The following VRK2 variants were observed in gnomAD, a reference collection of about 807,000 sequenced individuals.
VRK2 encodes serine/threonine-protein kinase VRK2.
Under a neutral mutation model 57.6 loss-of-function variants are expected in VRK2, and 60 were observed. The ratio of observed to expected loss-of-function variants is 1.04; its 90% CI spans 0.85 to 1.29. The LOEUF is 1.29. VRK2 is among the 50% of genes most tolerant of loss of function. The pLI, the probability that VRK2 is intolerant of heterozygous loss-of-function variation, is 0.00. For missense variants in VRK2, 705 were observed against 588.1 expected, an observed-to-expected ratio of 1.20 and a Z score of -2.06; for synonymous variants, 231 against 199.2, an observed-to-expected ratio of 1.16 and a Z score of -1.35.
At chr2:57,964,581 T>C (rs1297759305) in intron 1 of VRK2, among the ~76,000 whole-genome samples, 1 of 152,112 alleles carries the variant, frequency 6.6e-6, no homozygotes, top group Non-Finnish European at 1.5e-5. Flanking sequence ...TGTATGTTCA[T>C]ACTCGTTAAC....
chr2:58,037,142 C>A (rs1353862869), intron 3 of VRK2, among the ~76,000 whole-genome samples: 1 of 151,866 alleles, frequency 6.6e-6, no homozygotes, highest in Non-Finnish European at 1.5e-5. Context: ...CATCATGTTG[C>A]CCAGGCTGAT....
chr2:58,017,478 G>A (rs985656512), intron 1 of VRK2, among the ~76,000 whole-genome samples: 2 of 152,112 alleles, frequency 1.3e-5, no homozygotes, highest in African/African-American at 4.8e-5. Context: ...TCCCATCCGC[G>A]CAGATTTTGT....
chr2:57,934,773 C>CT, intron 1 of VRK2, among the ~76,000 whole-genome samples: 1 of 151,442 alleles, frequency 6.6e-6, no homozygotes, highest in Middle Eastern at 3.4e-3. Flanking sequence ...TCTTTTTTTT[C>CT]TTTTTTCTCC....
chr2:57,944,441 A>T (rs1671193665), intron 1 of VRK2, among the ~76,000 whole-genome samples: 1 of 152,236 alleles, frequency 6.6e-6, no homozygotes, highest in Admixed American at 6.5e-5. Flanking sequence ...ATAATTTTTT[A>T]AAAGGAAAAA....
intron 1 of VRK2, among the ~76,000 whole-genome samples, chr2:58,022,196 T>C (rs1221017298): frequency 6.6e-6 from 1 of 152,206 alleles, no homozygotes; most frequent in Non-Finnish European, 1.5e-5. Flanking sequence ...GCCTTTAGAA[T>C]GGGTGTCACT....
At chr2:58,146,182 T>C in intron 11 of VRK2, 134 bp from the exon 12 acceptor site, 1 of 752,980 alleles carries the variant, frequency 1.3e-6, no homozygotes, top group Non-Finnish European at 2.0e-6. Context: ...TAATGTCCAC[T>C]TGCTGCTTTC....
chr2:57,960,935 G>C (rs961209991), intron 1 of VRK2, among the ~76,000 whole-genome samples: 2 of 152,198 alleles, frequency 1.3e-5, no homozygotes, highest in African/African-American at 4.8e-5. Context: ...TCTGTTACCA[G>C]CTCTTCCACT....
intron 1 of VRK2, among the ~76,000 whole-genome samples, chr2:57,959,838 A>T (rs1671701530): frequency 6.6e-6 from 1 of 152,102 alleles, no homozygotes; most frequent in South Asian, 2.1e-4. Flanking sequence ...ATGCAAAGAA[A>T]ACATAGTTTT....
chr2:58,116,375 G>T (rs1676486225), intron 7 of VRK2, among the ~76,000 whole-genome samples: 1 of 150,530 alleles, frequency 6.6e-6, no homozygotes, highest in African/African-American at 2.5e-5. Context: ...CAGATAATTT[G>T]GTTAAAATAT....
chr2:58,137,165 T>TA (rs1400037447), intron 10 of VRK2, among the ~76,000 whole-genome samples: 9 of 4,896 alleles, frequency 1.8e-3, no homozygotes, highest in Non-Finnish European at 6.3e-3. Flanking sequence ...TTTATATATA[T>TA]CATATATCAT....
At chr2:57,907,803 C>A (rs1669871635) in exon 1 of VRK2, 1 of 152,218 alleles carries the variant, frequency 6.6e-6, no homozygotes, top group Middle Eastern at 3.2e-3. Context: ...CAAGTCAAAT[C>A]TCTCTGCTTC....
intron 2 of VRK2, among the ~76,000 whole-genome samples, chr2:58,066,241 T>C (rs1668592213): frequency 1.3e-5 from 2 of 152,188 alleles, no homozygotes; most frequent in African/African-American, 4.8e-5. Context: ...ACTGTAGGTT[T>C]TCATACCTGC....
chr2:57,965,810 C>A (rs939566551), intron 1 of VRK2, among the ~76,000 whole-genome samples: 3 of 152,098 alleles, frequency 2.0e-5, no homozygotes, highest in African/African-American at 7.2e-5. Flanking sequence ...GAGGCCCTGT[C>A]AGCATTGTGA....
chr2:58,158,543 T>TTAAAG (rs542427980), intron 12 of VRK2, among the ~76,000 whole-genome samples: 111 of 149,932 alleles, frequency 7.4e-4, no homozygotes, highest in African/African-American at 2.3e-3. Context: ...GTGAACAAGC[T>TTAAAG]TAAAGTATTT....
intron 2 of VRK2, chr2:58,028,190 C>G (rs1383481047): frequency 6.6e-6 from 1 of 152,116 alleles, no homozygotes; most frequent in Non-Finnish European, 1.5e-5. Flanking sequence ...TTGTATTGAT[C>G]CTGATTTAAT....
intron 1 of VRK2, among the ~76,000 whole-genome samples, chr2:58,014,031 A>G (rs914983415): frequency 5.9e-5 from 9 of 152,214 alleles, no homozygotes; most frequent in African/African-American, 2.2e-4. Flanking sequence ...AATATCACCT[A>G]AATAATAATG....
rs115164539 is a variant in VRK2, at chr2:57,962,941, G to T, written c.-439+55102G>T. Among the ~76,000 whole-genome samples the T allele has an allele frequency of 5.1e-3, 782 of 152,280 alleles. 8 individuals are homozygous for T. Among genetic ancestry groups the T allele is most frequent in the African/African-American group, 0.018 (740 of 41,552 alleles). ...AAAATCGATTTGGGAGGGGATGAGG[G>T]ATAAGAGGCAGCATGGGACAAAAAG... is the stretch of plus-strand genomic sequence containing the variant. On this transcript the variant is annotated intron_variant, in intron 1 of 15. Coordinates refer to the VRK2 transcript ENST00000417641.
chr2:58,093,564 G>T (rs1165849677), intron 7 of VRK2, among the ~76,000 whole-genome samples: 1 of 152,136 alleles, frequency 6.6e-6, no homozygotes, highest in Non-Finnish European at 1.5e-5. Context: ...CTGGATATTA[G>T]TCCTTTGTCA....
chr2:57,923,850 A>G (rs1229322795), intron 1 of VRK2, among the ~76,000 whole-genome samples: 1 of 151,944 alleles, frequency 6.6e-6, no homozygotes, highest in South Asian at 2.1e-4. Flanking sequence ...TAGTAGTTTC[A>G]GTTTCAGTTC....
Sources: allele counts gnomAD v4.1 joint callset (sites outside exome capture counted in the v4.1 genomes callset), GRCh38; gene constraint gnomAD v4.1.1; transcripts MANE v1.5; gene names NCBI Gene and HGNC (gene_info 2026-07-23, HGNC 2026-07-21).